Variants in FRMD4A observed in about 807,000 individuals in gnomAD.
FRMD4A encodes FERM domain containing 4A, also known as FERM domain-containing protein 4A.
FRMD4A carries 29 observed loss-of-function variants against 129.1 expected under a neutral mutation model. The ratio of observed to expected loss-of-function variants is 0.22; its 90% CI spans 0.17 to 0.31. FRMD4A has a LOEUF of 0.31. FRMD4A is among the 10% of genes least tolerant of loss of function. The probability of loss-of-function intolerance (pLI) is 1.00; values close to 1 mark genes in which losing one functional copy is unlikely to be tolerated. For missense variants in FRMD4A, 1,272 were observed against 1,375.8 expected, an observed-to-expected ratio of 0.92 and a Z score of 1.19; for synonymous variants, 634 against 571.6, an observed-to-expected ratio of 1.11 and a Z score of -1.56.
chr10:14,229,192 T>C (rs189413461), intron 2 of FRMD4A, among the ~76,000 whole-genome samples: 350 of 152,140 alleles, frequency 2.3e-3, no homozygotes, highest in African/African-American at 7.4e-3. Flanking sequence ...ATAAGACAAC[T>C]TTCTCATTTG....
intron 2 of FRMD4A, among the ~76,000 whole-genome samples, chr10:13,953,666 T>C (rs1211577284): frequency 2.0e-5 from 3 of 152,186 alleles, no homozygotes; most frequent in East Asian, 1.9e-4. Flanking sequence ...TTTTACTTAA[T>C]AGCCTCAAGC....
At chr10:13,971,826 C>T (rs1052407051) in intron 2 of FRMD4A, 2 of 1,304,176 alleles carry the variant, frequency 1.5e-6, no homozygotes, top group Non-Finnish European at 2.0e-6. Flanking sequence ...GCCGCCAACC[C>T]TCTGGTCCCT....
At chr10:14,226,964 A>G (rs571157062) in intron 2 of FRMD4A, among the ~76,000 whole-genome samples, 51 of 152,152 alleles carry the variant, frequency 3.4e-4, no homozygotes, top group East Asian at 2.1e-3. Flanking sequence ...ACGGAGCCCA[A>G]TGACCCTCCT....
intron 2 of FRMD4A, among the ~76,000 whole-genome samples, chr10:14,011,689 G>A (rs1242572220): frequency 6.6e-6 from 1 of 152,118 alleles, no homozygotes; most frequent in Non-Finnish European, 1.5e-5. Flanking sequence ...AATGGGAAAT[G>A]GTGAATTAAG....
Position 14,329,097 on chromosome 10 carries a change from T to A in FRMD4A, c.45+961A>T, listed in dbSNP as rs931788302. ...GCTTCCCACTGACGGCTCTTCCAAG[T>A]CACCTCCATAAACTCATCAGGCCTT... On this transcript the variant is annotated intron_variant, in intron 2 of 24. Transcript: ENST00000357447. 2.6e-5 allele frequency among the ~76,000 whole-genome samples: 4 copies of A among 152,196 alleles called. No individual in the cohort carries two copies. In the South Asian group the frequency reaches 8.3e-4, roughly 32 times the overall value.
chr10:13,990,080 C>T (rs954934967), intron 2 of FRMD4A, among the ~76,000 whole-genome samples: 2 of 152,182 alleles, frequency 1.3e-5, no homozygotes, highest in Non-Finnish European at 2.9e-5. Context: ...CCACTGCTGG[C>T]TGCGTAACCC....
chr10:13,893,642 C>G (rs977366227), intron 2 of FRMD4A, among the ~76,000 whole-genome samples: 1 of 152,152 alleles, frequency 6.6e-6, no homozygotes. Flanking sequence ...CTGCCTTAGC[C>G]TCCCGAGTAG....
At chr10:14,299,741 A>C (rs1846123990) in intron 2 of FRMD4A, among the ~76,000 whole-genome samples, 1 of 152,198 alleles carries the variant, frequency 6.6e-6, no homozygotes, top group African/African-American at 2.4e-5. Flanking sequence ...GAAAGGAGCC[A>C]GTAGCCTGAA....
chr10:13,866,207 G>C, intron 2 of FRMD4A: 1 of 541,410 alleles, frequency 1.8e-6, no homozygotes, highest in Non-Finnish European at 2.4e-6. Context: ...TTAAAACTTA[G>C]TCATCAGACA....
intron 2 of FRMD4A, among the ~76,000 whole-genome samples, chr10:14,328,175 G>A (rs1353675861): frequency 1.3e-5 from 2 of 152,104 alleles, no homozygotes; most frequent in African/African-American, 2.4e-5. Context: ...AGGGTGTCAA[G>A]AGCTCTTTCC....
At chr10:14,099,645 T>C (rs1305008537) in intron 2 of FRMD4A, among the ~76,000 whole-genome samples, 1 of 152,246 alleles carries the variant, frequency 6.6e-6, no homozygotes, top group Non-Finnish European at 1.5e-5. Flanking sequence ...AGTGGACCTG[T>C]GTAGTTCAAA....
At chr10:14,022,030 G>T (rs1191498717) in intron 2 of FRMD4A, among the ~76,000 whole-genome samples, 1 of 152,044 alleles carries the variant, frequency 6.6e-6, no homozygotes, top group African/African-American at 2.4e-5. Context: ...AAACTCAAGC[G>T]ATTGATATGT....
At position 14,188,263 on chromosome 10, in the gene FRMD4A, C is replaced by T. The variant is rs551830895; in HGVS notation, c.45+141795G>A. On this transcript the variant is annotated intron_variant, in intron 2 of 24. Coordinates refer to ENST00000357447, the MANE Select transcript of FRMD4A (RefSeq NM_018027.5). Reference sequence around the variant, plus strand: ...CTGCCTCTCCCCCTGTGCCAAGGACCCATGACCTGCTTGCTGCCTGGGCTC... The same window carrying T: ...CTGCCTCTCCCCCTGTGCCAAGGACTCATGACCTGCTTGCTGCCTGGGCTC... Among the ~76,000 whole-genome samples, 15 of 152,296 alleles carry T rather than the reference C, an allele frequency of 9.8e-5. No homozygotes were observed. In the South Asian group the frequency reaches 3.1e-3, roughly 32 times the overall value.
At chr10:14,135,835 T>C (rs1480221733) in intron 2 of FRMD4A, among the ~76,000 whole-genome samples, 6 of 152,230 alleles carry the variant, frequency 3.9e-5, no homozygotes, top group African/African-American at 7.2e-5. Context: ...AAATAGAACA[T>C]TGGACTGAAT....
intron 2 of FRMD4A, among the ~76,000 whole-genome samples, chr10:14,072,533 T>C (rs927038518): frequency 6.6e-6 from 1 of 152,210 alleles, no homozygotes; most frequent in African/African-American, 2.4e-5. Context: ...TCAGTTAAGT[T>C]ACCACAAGAA....
intron 2 of FRMD4A, among the ~76,000 whole-genome samples, chr10:13,884,164 A>ACT (rs1564970996): frequency 0.012 from 468 of 39,896 alleles, 17 homozygotes; most frequent in Admixed American, 0.076. Flanking sequence ...TCTCACACAC[A>ACT]CACTCACACA....
intron 2 of FRMD4A, among the ~76,000 whole-genome samples, chr10:14,065,112 G>A (rs1049440786): frequency 2.0e-5 from 3 of 152,046 alleles, no homozygotes; most frequent in Admixed American, 6.6e-5. Context: ...CACTATTGAC[G>A]ACCATTATAT....
At chr10:14,320,930 A>C (rs1417094321) in intron 2 of FRMD4A, among the ~76,000 whole-genome samples, 2 of 152,196 alleles carry the variant, frequency 1.3e-5, no homozygotes, top group Non-Finnish European at 2.9e-5. Context: ...TTCAGTTCAA[A>C]TGCAACCTCT....
In FRMD4A at chr10:13,751,966, T is replaced by C. The variant is rs146086472; in HGVS notation, c.465-4147A>G. Among the ~76,000 whole-genome samples, 590 of 152,206 alleles carry C rather than the reference T, an allele frequency of 3.9e-3. 2 individuals are homozygous for C. Among genetic ancestry groups the C allele is most frequent in the Middle Eastern group, 0.01 (3 of 294 alleles). ...AGGAGTTTGACATTAGAGTGAGCTA[T>C]GACCATGCCACTGTTCTCCAGCCTG... On this transcript the variant is annotated intron_variant, in intron 8 of 24. Coordinates refer to ENST00000357447, the MANE Select transcript of FRMD4A (RefSeq NM_018027.5).
Sources: gnomAD v4.1 joint callset for allele counts (sites outside exome capture counted in the v4.1 genomes callset) on GRCh38, gnomAD v4.1.1 for gene constraint, MANE v1.5 for transcripts, NCBI Gene and HGNC (gene_info 2026-07-23, HGNC 2026-07-21) for gene names.